The following MYT1L variants were observed in gnomAD, a reference collection of about 807,000 sequenced individuals.
The protein encoded by MYT1L is myelin transcription factor 1-like protein.
Under a neutral mutation model 126.7 loss-of-function variants are expected in MYT1L, and 12 were observed. That is an observed-to-expected ratio of 0.09 (90% CI 0.06 to 0.15). The LOEUF (loss-of-function observed/expected upper bound fraction) is 0.15, where lower values mean the gene tolerates loss of function less well. MYT1L is among the 10% of genes least tolerant of loss of function. The pLI is 1.00. For synonymous variants in MYT1L, 541 were observed against 604.2 expected, an observed-to-expected ratio of 0.90 and a Z score of 1.53; for missense variants, 979 against 1,585.2, an observed-to-expected ratio of 0.62 and a Z score of 6.49.
At chr2:2,162,375 A>C (rs113526791) in intron 3 of MYT1L, among the ~76,000 whole-genome samples, 2,287 of 151,950 alleles carry the variant, frequency 0.015, 53 homozygotes, top group African/African-American at 0.052. Context: ...AGTAATACAG[A>C]CAGTGCCCGC....
intron 2 of MYT1L, among the ~76,000 whole-genome samples, chr2:2,208,999 T>TACACAC (rs34194445): frequency 0.032 from 4,751 of 150,034 alleles, 88 homozygotes; most frequent in African/African-American, 0.058. Context: ...GGGAGGCATT[T>TACACAC]ACACACACAC....
In MYT1L at chr2:2,002,145, C is replaced by T. The variant is rs560983619; in HGVS notation, c.-157-4798G>A. 3.3e-5 allele frequency among the ~76,000 whole-genome samples: 5 copies of T among 152,314 alleles called. No individual in the cohort carries two copies. The East Asian group carries it at 9.7e-4, about 29-fold the overall frequency. On this transcript the variant is annotated intron_variant, in intron 4 of 24. Coordinates refer to ENST00000647738, the MANE Select transcript of MYT1L (RefSeq NM_001303052.2). Reference sequence around the variant, plus strand: ...TTTATTGACATTAGTACTGCCTCCTCAGACTGGTATCACAACTCACAAATG... The same window carrying T: ...TTTATTGACATTAGTACTGCCTCCTTAGACTGGTATCACAACTCACAAATG...
chr2:1,951,885 T>C (rs1168145506), intron 8 of MYT1L, among the ~76,000 whole-genome samples: 2 of 152,214 alleles, frequency 1.3e-5, no homozygotes, highest in East Asian at 3.8e-4. Flanking sequence ...CTAGAATACA[T>C]AAAAGCACTT....
chr2:2,067,941 A>T (rs1044520342), intron 3 of MYT1L, among the ~76,000 whole-genome samples: 1 of 152,192 alleles, frequency 6.6e-6, no homozygotes, highest in African/African-American at 2.4e-5. Flanking sequence ...TTTGTCAGAG[A>T]AATGGAAAGT....
At chr2:2,096,442 T>C (rs1323438970) in intron 3 of MYT1L, among the ~76,000 whole-genome samples, 1 of 152,232 alleles carries the variant, frequency 6.6e-6, no homozygotes, top group Non-Finnish European at 1.5e-5. Flanking sequence ...TTCATTCTTT[T>C]CAGGTTGTTC....
intron 4 of MYT1L, among the ~76,000 whole-genome samples, chr2:2,008,097 T>C (rs186823064): frequency 7.9e-5 from 12 of 152,296 alleles, no homozygotes; most frequent in African/African-American, 1.9e-4. Flanking sequence ...GACCCCCCAA[T>C]AGATGACTCT....
chr2:2,095,692 T>C (rs1175304955), intron 3 of MYT1L, among the ~76,000 whole-genome samples: 1 of 151,708 alleles, frequency 6.6e-6, no homozygotes, highest in Admixed American at 6.6e-5. Flanking sequence ...GGCCAAAGGG[T>C]TTTTGACAGG....
chr2:1,966,146 C>T (rs2059336287), intron 8 of MYT1L, among the ~76,000 whole-genome samples: 1 of 152,222 alleles, frequency 6.6e-6, no homozygotes, highest in Non-Finnish European at 1.5e-5. Flanking sequence ...TGCCTGGTGG[C>T]CTATTCCTTT....
At chr2:2,287,210 G>A (rs1434634003) in intron 1 of MYT1L, among the ~76,000 whole-genome samples, 2 of 152,026 alleles carry the variant, frequency 1.3e-5, no homozygotes, top group South Asian at 2.1e-4. Flanking sequence ...AGCAGAGGTC[G>A]TGCCTTTGCA....
chr2:2,049,664 C>T (rs1212893816), intron 4 of MYT1L, among the ~76,000 whole-genome samples: 1 of 152,124 alleles, frequency 6.6e-6, no homozygotes, highest in Non-Finnish European at 1.5e-5. Context: ...TGGGAGGGAC[C>T]AGTGGGAGAT....
At chr2:1,888,635 C>A (rs562634795) in intron 16 of MYT1L, among the ~76,000 whole-genome samples, 1 of 152,220 alleles carries the variant, frequency 6.6e-6, no homozygotes, top group South Asian at 2.1e-4. Flanking sequence ...CTTTTCAAAG[C>A]CTAAAGGGCA....
rs893595692 is a variant in MYT1L, at chr2:1,809,062, G to A, written c.3172+14C>T. The A allele has an allele frequency of 3.1e-6, 5 of 1,613,394 alleles. No homozygotes were observed. Among genetic ancestry groups the A allele is most frequent in the East Asian group, 4.5e-5 (2 of 44,872 alleles). On this transcript the variant is annotated intron_variant, in intron 22 of 24. Coordinates refer to ENST00000647738, the MANE Select transcript of MYT1L (RefSeq NM_001303052.2). ...CCTGACCATGGGTGCCACGAGGGCTGGAGGGGTGCTCACCGTTGCTGGCCC... is the reference window on the plus strand; with the variant it reads ...CCTGACCATGGGTGCCACGAGGGCTAGAGGGGTGCTCACCGTTGCTGGCCC...
At chr2:1,814,677 G>T (rs773862161) in intron 21 of MYT1L, among the ~76,000 whole-genome samples, 2 of 152,140 alleles carry the variant, frequency 1.3e-5, no homozygotes, top group African/African-American at 4.8e-5. Context: ...GGGTCTTGCC[G>T]CAGAATTTTT....
At chr2:2,043,482 T>C (rs547307512) in intron 4 of MYT1L, among the ~76,000 whole-genome samples, 13 of 152,340 alleles carry the variant, frequency 8.5e-5, no homozygotes, top group African/African-American at 2.9e-4. Context: ...AATTACATTA[T>C]TCCAAGTTCA....
At chr2:2,254,297 A>G (rs1033130658) in intron 2 of MYT1L, among the ~76,000 whole-genome samples, 6 of 152,218 alleles carry the variant, frequency 3.9e-5, no homozygotes, top group African/African-American at 7.2e-5. Context: ...TCAGACCTGG[A>G]TTCGGGATTT....
chr2:2,144,512 C>A (rs1199266639), intron 3 of MYT1L, among the ~76,000 whole-genome samples: 1 of 152,204 alleles, frequency 6.6e-6, no homozygotes, highest in Non-Finnish European at 1.5e-5. Flanking sequence ...GCCCCTGAAT[C>A]TCTAATACTA....
intron 3 of MYT1L, among the ~76,000 whole-genome samples, chr2:2,073,029 A>G (rs757748301): frequency 2.4e-4 from 36 of 152,286 alleles, no homozygotes; most frequent in Non-Finnish European, 3.4e-4. Context: ...CACACAACAG[A>G]AGGAGGGAGG....
At chr2:1,813,223 T>C (rs576274288) in intron 21 of MYT1L, among the ~76,000 whole-genome samples, 2 of 152,184 alleles carry the variant, frequency 1.3e-5, no homozygotes, top group Non-Finnish European at 2.9e-5. Flanking sequence ...TCCTCCTCCT[T>C]GCCGTCCTCC....
chr2:2,311,569 T>G (rs2149606246), intron 1 of MYT1L, among the ~76,000 whole-genome samples: 1 of 152,308 alleles, frequency 6.6e-6, no homozygotes, highest in East Asian at 1.9e-4. Context: ...GTCACACGAC[T>G]TTGGGGGGCA....
Sources: gnomAD v4.1 joint callset for allele counts (sites outside exome capture counted in the v4.1 genomes callset) on GRCh38, gnomAD v4.1.1 for gene constraint, MANE v1.5 for transcripts, NCBI Gene and HGNC (gene_info 2026-07-23, HGNC 2026-07-21) for gene names.